HORMAD2: variants seen among roughly 807,000 people sequenced by gnomAD.
HORMAD2 encodes the protein HORMA domain containing 2, also known as HORMA domain-containing protein 2.
Under a neutral mutation model 38.8 loss-of-function variants are expected in HORMAD2, and 45 were observed. The observed-to-expected ratio is 1.16, with a 90% CI of 0.91 to 1.49. HORMAD2 has a LOEUF of 1.49. HORMAD2 is among the 40% of genes most tolerant of loss of function. The pLI, the probability that HORMAD2 is intolerant of heterozygous loss-of-function variation, is 0.00. For missense variants in HORMAD2, 338 were observed against 367.0 expected (o/e 0.92, Z 0.65); for synonymous variants, 126 against 122.8 (o/e 1.03, Z -0.17).
chr22:30,184,125 G>A, the HORMAD2 span, among the ~76,000 whole-genome samples: 2 of 152,194 alleles, frequency 1.3e-5, no homozygotes, highest in African/African-American at 2.4e-5. Flanking sequence ...CAAAGATTTA[G>A]CTGTTTCACT....
intron 7 of HORMAD2, among the ~76,000 whole-genome samples, chr22:30,113,669 T>C (rs987094280): frequency 6.6e-6 from 1 of 152,150 alleles, no homozygotes; most frequent in Non-Finnish European, 1.5e-5. Context: ...CTCACTTTAC[T>C]CTCTTTGTCT....
At chr22:30,116,685 T>G (rs1922066606) in intron 7 of HORMAD2, among the ~76,000 whole-genome samples, 1 of 152,208 alleles carries the variant, frequency 6.6e-6, no homozygotes, top group Admixed American at 6.5e-5. Flanking sequence ...TGAAGTTAAT[T>G]AAGGATTAGC....
intron 1 of HORMAD2, among the ~76,000 whole-genome samples, chr22:30,084,633 A>G (rs997543909): frequency 6.6e-6 from 1 of 151,590 alleles, no homozygotes; most frequent in Non-Finnish European, 1.5e-5. Context: ...TAGGTTTTTA[A>G]TTTTTTTTAT....
the HORMAD2 span, among the ~76,000 whole-genome samples, chr22:30,194,081 T>C: frequency 6.6e-6 from 1 of 152,208 alleles, no homozygotes; most frequent in East Asian, 1.9e-4. Flanking sequence ...ACTCTCAAGA[T>C]GGTTACTTGA....
intron 10 of HORMAD2, among the ~76,000 whole-genome samples, chr22:30,136,039 G>A (rs959973103): frequency 2.6e-5 from 4 of 152,242 alleles, no homozygotes; most frequent in Admixed American, 2.0e-4. Context: ...GTTATACCAA[G>A]TACAATGATA....
chr22:30,145,391 T>G (rs1924351184), intron 10 of HORMAD2, among the ~76,000 whole-genome samples: 1 of 152,198 alleles, frequency 6.6e-6, no homozygotes, highest in South Asian at 2.1e-4. Flanking sequence ...AGAACAATTT[T>G]ACTGCATGTA....
At chr22:30,098,760 G>A in intron 2 of HORMAD2, 92 bp from the exon 3 acceptor site, 1 of 1,093,506 alleles carries the variant, frequency 9.1e-7, no homozygotes, top group Non-Finnish European at 1.3e-6. Flanking sequence ...TTGAAGTCCT[G>A]AGAAATCTTT....
chr22:30,149,513 A>G (rs1297395076), intron 10 of HORMAD2, among the ~76,000 whole-genome samples: 2 of 152,222 alleles, frequency 1.3e-5, no homozygotes, highest in African/African-American at 4.8e-5. Context: ...TCAAATATTC[A>G]GAAACAACAA....
At chr22:30,119,320 G>T (rs1922275674) in intron 8 of HORMAD2, among the ~76,000 whole-genome samples, 1 of 152,080 alleles carries the variant, frequency 6.6e-6, no homozygotes, top group African/African-American at 2.4e-5. Flanking sequence ...ACTCCATAAG[G>T]CTCTGTCTAG....
At chr22:30,114,061 A>T (rs995191822) in intron 7 of HORMAD2, among the ~76,000 whole-genome samples, 1 of 152,208 alleles carries the variant, frequency 6.6e-6, no homozygotes, top group South Asian at 2.1e-4. Context: ...GTTTGAAACC[A>T]GTGTTTTTTG....
the HORMAD2 span, among the ~76,000 whole-genome samples, chr22:30,187,501 T>TTGTGTGTG: frequency 2.5e-3 from 363 of 147,760 alleles, 2 homozygotes; most frequent in African/African-American, 8.5e-3. Flanking sequence ...TATATTTCCT[T>TTGTGTGTG]TGTGTGTGTG....
At chr22:30,128,685 A>T (rs1400169841) in intron 10 of HORMAD2, among the ~76,000 whole-genome samples, 1 of 152,168 alleles carries the variant, frequency 6.6e-6, no homozygotes, top group African/African-American at 2.4e-5. Flanking sequence ...CCACCTCCTC[A>T]GGGTGGATTT....
intron 5 of HORMAD2, among the ~76,000 whole-genome samples, chr22:30,110,893 C>G (rs958883415): frequency 6.6e-6 from 1 of 151,858 alleles, no homozygotes; most frequent in Non-Finnish European, 1.5e-5. Flanking sequence ...GGCAGTGGTT[C>G]ACGCCTGTAA....
chr22:30,171,793 G>A (rs971240852), intron 10 of HORMAD2, among the ~76,000 whole-genome samples: 1 of 152,120 alleles, frequency 6.6e-6, no homozygotes, highest in Non-Finnish European at 1.5e-5. Context: ...GAATTTCTCT[G>A]AGGAAATAAT....
At chr22:30,132,308 G>A (rs1923338320) in intron 10 of HORMAD2, among the ~76,000 whole-genome samples, 1 of 152,146 alleles carries the variant, frequency 6.6e-6, no homozygotes, top group African/African-American at 2.4e-5. Context: ...CAGGCCAGGT[G>A]CAGTGGCTGA....
rs1318383627 is a variant in HORMAD2, at chr22:30,103,421, G to A, written c.194-16G>A. 7.4e-6 allele frequency: 11 copies of A among 1,478,398 alleles called. No homozygotes were observed. The highest frequency in any genetic ancestry group is 1.0e-5 in the Non-Finnish European group (11 of 1,080,510). The allele number at this position is 1,478,398 out of a possible 1,614,324, so 91.6% of individuals were successfully genotyped here. A position where few individuals can be genotyped will look rare whatever the true frequency, so the allele number is the denominator to read the frequency against. On this transcript the variant is annotated splice_polypyrimidine_tract_variant and intron_variant, in intron 3 of 10. Transcript: ENST00000336726. ...CATTTAGTAGATAAAAATAGACTGT[G>A]TTTCTGTTTTTGTAGACCTCAGTTT...
At chr22:30,194,917 G>A in the HORMAD2 span, among the ~76,000 whole-genome samples, 1 of 152,132 alleles carries the variant, frequency 6.6e-6, no homozygotes, top group African/African-American at 2.4e-5. Context: ...AGTGGGCCGG[G>A]CACAGTGGCT....
At chr22:30,121,356 A>G (rs1601540608) in intron 8 of HORMAD2, among the ~76,000 whole-genome samples, 2 of 152,190 alleles carry the variant, frequency 1.3e-5, no homozygotes, top group Admixed American at 1.3e-4. Context: ...CTAATTCCAA[A>G]TTCGTTGTTC....
chr22:30,165,393 C>T (rs2123724484), intron 10 of HORMAD2, among the ~76,000 whole-genome samples: 1 of 152,208 alleles, frequency 6.6e-6, no homozygotes, highest in East Asian at 1.9e-4. Flanking sequence ...TTTGGAGATC[C>T]TTGAGATCCC....
Sources: gnomAD v4.1 joint callset for allele counts (sites outside exome capture counted in the v4.1 genomes callset) on GRCh38, gnomAD v4.1.1 for gene constraint, MANE v1.5 for transcripts, NCBI Gene and HGNC (gene_info 2026-07-23, HGNC 2026-07-21) for gene names.